NEO1: variants seen among roughly 807,000 people sequenced by gnomAD.
The protein encoded by NEO1 is neogenin.
A neutral mutation model predicts 159.7 loss-of-function variants in NEO1; 63 were observed. The ratio of observed to expected loss-of-function variants is 0.39; its 90% CI spans 0.32 to 0.49. The LOEUF is 0.49. NEO1 is among the 20% of genes least tolerant of loss of function. The pLI, the probability that NEO1 is intolerant of heterozygous loss-of-function variation, is 0.85. For synonymous variants in NEO1, 633 were observed against 662.0 expected (o/e 0.96, Z 0.67); for missense variants, 1,615 against 1,831.0 (o/e 0.88, Z 2.15).
At chr15:73,155,040 T>G (rs1156688849) in intron 5 of NEO1, among the ~76,000 whole-genome samples, 1 of 152,212 alleles carries the variant, frequency 6.6e-6, no homozygotes, top group African/African-American at 2.4e-5. Flanking sequence ...ACTTGTGTTG[T>G]CATGGTGGTG....
intron 1 of NEO1, among the ~76,000 whole-genome samples, chr15:73,111,555 G>A (rs993644401): frequency 6.6e-6 from 1 of 152,138 alleles, no homozygotes; most frequent in Non-Finnish European, 1.5e-5. Context: ...TTACACGAGT[G>A]TGAACATACA....
chr15:73,244,954 C>CAA (rs57566986), intron 9 of NEO1, among the ~76,000 whole-genome samples: 492 of 16,452 alleles, frequency 0.03, 59 homozygotes, highest in African/African-American at 0.048. Context: ...GACTCTGTCT[C>CAA]AAAAAAAAAA....
intron 7 of NEO1, among the ~76,000 whole-genome samples, chr15:73,195,323 A>G (rs1004890903): frequency 3.9e-5 from 6 of 152,246 alleles, no homozygotes; most frequent in Non-Finnish European, 8.8e-5. Context: ...ATAATGTCAT[A>G]GTTGGCAAAA....
In NEO1 at chr15:73,258,678, C is replaced by A; in HGVS notation, c.2093-88C>A. The A allele has an allele frequency of 2.8e-6, 3 of 1,080,996 alleles. No individual in the cohort carries two copies. In the African/African-American group the frequency reaches 4.7e-5, roughly 17 times the overall value. The allele number at this position is 1,080,996 out of a possible 1,614,324, so 67.0% of individuals were successfully genotyped here. Reference sequence around the variant, plus strand: ...GCCAAGCTATATACTGAGTTGGTGACTGAGATGTTTGCCTTAATGAGGGAT... The same window carrying A: ...GCCAAGCTATATACTGAGTTGGTGAATGAGATGTTTGCCTTAATGAGGGAT... On this transcript the variant is annotated intron_variant, in intron 13 of 28. Coordinates refer to ENST00000261908, the MANE Select transcript of NEO1 (RefSeq NM_002499.4).
chr15:73,281,364 G>T (rs2041702264), intron 22 of NEO1, among the ~76,000 whole-genome samples: 1 of 151,074 alleles, frequency 6.6e-6, no homozygotes. Context: ...GCGCCATTCT[G>T]CTGCCTCAGC....
At chr15:73,262,863 G>GT (rs2040688649) in intron 15 of NEO1, among the ~76,000 whole-genome samples, 1 of 152,154 alleles carries the variant, frequency 6.6e-6, no homozygotes, top group African/African-American at 2.4e-5. Context: ...TATCCATGGA[G>GT]TACTACTCAG....
At chr15:73,112,318 C>T (rs1338042664) in intron 1 of NEO1, among the ~76,000 whole-genome samples, 1 of 151,978 alleles carries the variant, frequency 6.6e-6, no homozygotes, top group African/African-American at 2.4e-5. Flanking sequence ...ATAGCTTCAC[C>T]CATTTTTGTA....
chr15:73,058,575 G>C (rs1457623144), intron 1 of NEO1, among the ~76,000 whole-genome samples: 1 of 152,188 alleles, frequency 6.6e-6, no homozygotes, highest in Admixed American at 6.5e-5. Context: ...CTGGTGAAAA[G>C]TTAACTTGTG....
intron 5 of NEO1, among the ~76,000 whole-genome samples, chr15:73,166,133 T>C (rs1181437675): frequency 2.0e-5 from 3 of 152,154 alleles, no homozygotes; most frequent in African/African-American, 7.2e-5. Context: ...GTTTCTTCCT[T>C]TCTCCTCTCT....
At chr15:73,218,432 T>C (rs2038031577) in intron 7 of NEO1, among the ~76,000 whole-genome samples, 1 of 152,074 alleles carries the variant, frequency 6.6e-6, no homozygotes. Flanking sequence ...AGGATGATGC[T>C]GGCCTCATAA....
chr15:73,060,137 TTTCA>T (rs1349958853), intron 1 of NEO1, among the ~76,000 whole-genome samples: 2 of 152,162 alleles, frequency 1.3e-5, no homozygotes, highest in East Asian at 1.9e-4. Context: ...AAATTATAAG[TTTCA>T]TTCATAATTT....
intron 4 of NEO1, among the ~76,000 whole-genome samples, chr15:73,127,406 G>A (rs1406107731): frequency 6.6e-6 from 1 of 152,174 alleles, no homozygotes. Flanking sequence ...TCTCATAAGA[G>A]ATGTGGGGTG....
At chr15:73,273,020 C>G (rs922794776) in intron 19 of NEO1, among the ~76,000 whole-genome samples, 2 of 151,098 alleles carry the variant, frequency 1.3e-5, no homozygotes, top group Non-Finnish European at 2.9e-5. Context: ...TTTCACTGCC[C>G]CCCGAGACCT....
intron 2 of NEO1, among the ~76,000 whole-genome samples, chr15:73,117,433 T>C (rs961961332): frequency 1.3e-5 from 2 of 152,154 alleles, no homozygotes; most frequent in Non-Finnish European, 2.9e-5. Flanking sequence ...GAGTAAGATG[T>C]GGTTTCTAAG....
chr15:73,296,096 G>T (rs1253790871), intron 26 of NEO1, among the ~76,000 whole-genome samples: 1 of 152,214 alleles, frequency 6.6e-6, no homozygotes, highest in Non-Finnish European at 1.5e-5. Context: ...GCTGACTCAT[G>T]TAGGCAACCC....
chr15:73,178,736 ACTT>A (rs953584646), intron 7 of NEO1, among the ~76,000 whole-genome samples: 4 of 152,166 alleles, frequency 2.6e-5, no homozygotes, highest in East Asian at 1.9e-4. Flanking sequence ...ATAAAGAAAA[ACTT>A]CTTTTTTTTC....
rs374625155 is a variant in NEO1 at position 73,113,564 on chromosome 15, A to G, written c.131-2976A>G. Among the ~76,000 whole-genome samples, 60 of 152,288 alleles carry G rather than the reference A, an allele frequency of 3.9e-4. No individual in the cohort carries two copies. The South Asian group carries it at 0.012, about 31-fold the overall frequency. On this transcript the variant is annotated intron_variant, in intron 1 of 28. Coordinates refer to ENST00000261908, the MANE Select transcript of NEO1 (RefSeq NM_002499.4). Reference sequence around the variant, plus strand: ...GGACATTATGCGAACTTCTAGCTCAAGGTAGTTCACAGTTTCAACAGCTGA... The same window carrying G: ...GGACATTATGCGAACTTCTAGCTCAGGGTAGTTCACAGTTTCAACAGCTGA...
In NEO1 at chr15:73,258,858, T is replaced by A. The variant is rs1342012644; in HGVS notation, c.2185T>A (p.Phe729Ile). The A allele has an allele frequency of 1.2e-6, 2 of 1,613,608 alleles. No individual in the cohort carries two copies. The highest frequency in any genetic ancestry group is 2.7e-5 in the African/African-American group (2 of 74,880). ...AACTGACTGGCTGTCTGCTGAAACT[T>A]TTGAAAGTGACCTAGATGGTAAGAA... The part of the protein sequence containing the change: ...PATDWLSAET[F>I]ESDLDETRVP... Residue 729 changes from phenylalanine to isoleucine, a missense_variant, in exon 14 of 29, where the codon TTT becomes ATT. Coordinates refer to ENST00000261908, the MANE Select transcript of NEO1 (RefSeq NM_002499.4).
At chr15:73,127,470 G>A (rs1457748499) in intron 4 of NEO1, among the ~76,000 whole-genome samples, 1 of 152,134 alleles carries the variant, frequency 6.6e-6, no homozygotes, top group Non-Finnish European at 1.5e-5. Context: ...GTGCACTGTA[G>A]GATGTTTACT....
Sources: gnomAD v4.1 joint callset for allele counts (sites outside exome capture counted in the v4.1 genomes callset) on GRCh38, gnomAD v4.1.1 for gene constraint, MANE v1.5 for transcripts, NCBI Gene and HGNC (gene_info 2026-07-23, HGNC 2026-07-21) for gene names.